CD58: variants seen among roughly 807,000 people sequenced by gnomAD.
CD58 encodes lymphocyte function-associated antigen 3.
A neutral mutation model predicts 27.6 loss-of-function variants in CD58; 14 were observed. The observed-to-expected ratio is 0.51, with a 90% CI of 0.34 to 0.79. CD58 has a LOEUF of 0.79. Among genes scored for constraint, CD58 ranks in the 30% least tolerant of loss-of-function variants. The pLI, the probability that CD58 is intolerant of heterozygous loss-of-function variation, is 0.02. For synonymous variants in CD58, 117 were observed against 103.8 expected (o/e 1.13, Z -0.77); for missense variants, 268 against 301.7 (o/e 0.89, Z 0.83).
In CD58 at chr1:116,538,875, G is replaced by C. The variant is rs1657901232; in HGVS notation, c.365-2647C>G. On this transcript the variant is annotated intron_variant, in intron 2 of 5. Transcript: ENST00000369489. The surrounding 1 kb of genome is among the most constrained non-coding windows in gnomAD (Gnocchi z 4.7). ...ATAGAAGGATAGATTCAGAGAGACAGTCTTCAAATAAAATGTAAATTCTTC... is the reference window on the plus strand; with the variant it reads ...ATAGAAGGATAGATTCAGAGAGACACTCTTCAAATAAAATGTAAATTCTTC... Among the ~76,000 whole-genome samples, 1 of 152,218 alleles carries C rather than the reference G, an allele frequency of 6.6e-6. No homozygotes were observed. The highest frequency in any genetic ancestry group is 2.1e-4 in the South Asian group (1 of 4,832).
In CD58 at chr1:116,517,581, C is replaced by T. The variant is rs1415307905; in HGVS notation, c.743+1650G>A. Reference sequence around the variant, plus strand: ...AAAGGTCTTAACCCCTCGCCTACCTCCTTGTCTCTGCAGCTTTAACATGTA... The same window carrying T: ...AAAGGTCTTAACCCCTCGCCTACCTTCTTGTCTCTGCAGCTTTAACATGTA... On this transcript the variant is annotated intron_variant, in intron 5 of 5. Transcript: ENST00000369489. The surrounding 1 kb of genome is among the most constrained non-coding windows in gnomAD (Gnocchi z 6.5). 6.6e-6 allele frequency among the ~76,000 whole-genome samples: 1 copy of T among 152,212 alleles called. No homozygotes were observed. The highest frequency in any genetic ancestry group is 1.5e-5 in the Non-Finnish European group (1 of 68,028).
At chr1:116,556,796 T>C (rs374499776) in intron 1 of CD58, among the ~76,000 whole-genome samples, 71 of 152,084 alleles carry the variant, frequency 4.7e-4, no homozygotes, top group Admixed American at 1.6e-3. Context: ...GCGGGCCAAG[T>C]GTGAGTCAGA....
chr1:116,525,617 T>C (rs1657404093), intron 3 of CD58, among the ~76,000 whole-genome samples: 11 of 152,214 alleles, frequency 7.2e-5, no homozygotes, highest in Admixed American at 7.2e-4. Context: ...CCAAACTGTC[T>C]TCCAAAGTGG....
intron 1 of CD58, among the ~76,000 whole-genome samples, chr1:116,549,640 T>C (rs1307017478): frequency 6.6e-6 from 1 of 152,208 alleles, no homozygotes; most frequent in Non-Finnish European, 1.5e-5. Context: ...AACTTTACAC[T>C]AATGAAAAAC....
chr1:116,530,489 G>A (rs1319946854), intron 3 of CD58, among the ~76,000 whole-genome samples: 1 of 152,070 alleles, frequency 6.6e-6, no homozygotes, highest in African/African-American at 2.4e-5. Flanking sequence ...ACAGGTGTGA[G>A]CCACCGCACC....
intron 3 of CD58, 59 bp downstream of exon 3, chr1:116,535,906 T>TGTTA: frequency 1.6e-6 from 2 of 1,236,266 alleles, no homozygotes; most frequent in Non-Finnish European, 2.3e-6. Context: ...GTGAACCTTG[T>TGTTA]GTTAGTCACC....
At position 116,517,701 on chromosome 1, in the gene CD58, C is replaced by T. The variant is rs1182929615; in HGVS notation, c.743+1530G>A. Reference sequence around the variant, plus strand: ...GCCTCCTCTGCCTCTTCCCATCACCCTAGGGCATCTAGCTTTTCTTTCTTA... The same window carrying T: ...GCCTCCTCTGCCTCTTCCCATCACCTTAGGGCATCTAGCTTTTCTTTCTTA... On this transcript the variant is annotated intron_variant, in intron 5 of 5. Coordinates refer to ENST00000369489, the MANE Select transcript of CD58 (RefSeq NM_001779.3). This position sits in a 1 kb window ranked among gnomAD's most constrained non-coding sequence, Gnocchi z 6.5. 2.0e-5 allele frequency among the ~76,000 whole-genome samples: 3 copies of T among 152,150 alleles called. No individual in the cohort carries two copies. Among genetic ancestry groups the T allele is most frequent in the Non-Finnish European group, 4.4e-5 (3 of 68,014 alleles).
At chr1:116,533,142 T>C (rs1657672083) in intron 3 of CD58, 1 of 754,562 alleles carries the variant, frequency 1.3e-6, no homozygotes, top group African/African-American at 1.7e-5. Context: ...AATTTCAAAA[T>C]CAGAGGCTAA....
At chr1:116,526,269 A>T (rs1007580488) in intron 3 of CD58, among the ~76,000 whole-genome samples, 5 of 152,176 alleles carry the variant, frequency 3.3e-5, no homozygotes, top group Non-Finnish European at 5.9e-5. Context: ...AAGTCATCAT[A>T]TCCAAAGTTA....
At chr1:116,520,364 C>T (rs1397953566) in intron 4 of CD58, among the ~76,000 whole-genome samples, 4 of 151,896 alleles carry the variant, frequency 2.6e-5, no homozygotes, top group Non-Finnish European at 5.9e-5. Context: ...GCACACAACT[C>T]GACCTCTCAA....
In CD58 at chr1:116,550,626, C is replaced by T. The variant is rs1658359776; in HGVS notation, c.71-6022G>A. 6.6e-6 allele frequency among the ~76,000 whole-genome samples: 1 copy of T among 152,134 alleles called. No homozygotes were observed. Among genetic ancestry groups the T allele is most frequent in the African/African-American group, 2.4e-5 (1 of 41,422 alleles). On this transcript the variant is annotated intron_variant, in intron 1 of 5. Transcript: ENST00000369489. The surrounding 1 kb of genome is among the most constrained non-coding windows in gnomAD (Gnocchi z 4.2). ...TTGACCTGACGATTGGAATCAAATT[C>T]TTCCAAACTCCTGTTAATGTTGATA...
intron 3 of CD58, among the ~76,000 whole-genome samples, chr1:116,525,941 G>A (rs1044495469): frequency 7.2e-5 from 11 of 152,248 alleles, no homozygotes; most frequent in East Asian, 5.8e-4. Context: ...GTGAGCCACC[G>A]CACCCGGCCC....
chr1:116,560,922 G>C (rs1658730389), intron 1 of CD58, among the ~76,000 whole-genome samples: 1 of 152,186 alleles, frequency 6.6e-6, no homozygotes, highest in South Asian at 2.1e-4. Flanking sequence ...TGGAAGTTGA[G>C]ATTTGTCATT....
Position 116,522,506 on chromosome 1 carries a change from T to C in CD58, c.629-523A>G, listed in dbSNP as rs556162339. 2.6e-5 allele frequency among the ~76,000 whole-genome samples: 4 copies of C among 152,308 alleles called. No individual in the cohort carries two copies. The highest frequency in any genetic ancestry group is 9.6e-5 in the African/African-American group (4 of 41,564). ...AGGTTTATTTAAACAGAGACACACA[T>C]AAAACAAGGTTATAAACAGATCATT... On this transcript the variant is annotated intron_variant, in intron 3 of 5. Coordinates refer to ENST00000369489, the MANE Select transcript of CD58 (RefSeq NM_001779.3). The surrounding 1 kb of genome is among the most constrained non-coding windows in gnomAD (Gnocchi z 4.6).
At chr1:116,558,428 C>T (rs1047904312) in intron 1 of CD58, among the ~76,000 whole-genome samples, 1 of 152,148 alleles carries the variant, frequency 6.6e-6, no homozygotes, top group Non-Finnish European at 1.5e-5. Flanking sequence ...TCAGTTGATG[C>T]CTACTTGCAG....
chr1:116,544,259 T>TA (rs1385274194), intron 2 of CD58, 52 bp downstream of exon 2: 4 of 1,312,488 alleles, frequency 3.0e-6, no homozygotes, highest in Admixed American at 4.3e-5. Context: ...GAAAACAGAC[T>TA]AAAAAAATGG....
chr1:116,564,303 G>A (rs1396429292), intron 1 of CD58, among the ~76,000 whole-genome samples: 1 of 149,060 alleles, frequency 6.7e-6, no homozygotes, highest in African/African-American at 2.4e-5. Flanking sequence ...CAAGTCTCTA[G>A]GAAGTTCCAA....
At chr1:116,558,245 A>C (rs1428063776) in intron 1 of CD58, among the ~76,000 whole-genome samples, 2 of 152,182 alleles carry the variant, frequency 1.3e-5, no homozygotes, top group African/African-American at 4.8e-5. Context: ...TCTGAATATA[A>C]GACATCATAA....
chr1:116,529,741 G>A (rs1413550321), intron 3 of CD58, among the ~76,000 whole-genome samples: 1 of 152,152 alleles, frequency 6.6e-6, no homozygotes, highest in East Asian at 1.9e-4. Flanking sequence ...GTAAGTATTA[G>A]TTCATTCCCC....
Sources: allele counts gnomAD v4.1 joint callset (sites outside exome capture counted in the v4.1 genomes callset), GRCh38; gene constraint gnomAD v4.1.1; non-coding constraint Gnocchi (gnomAD v3.1); transcripts MANE v1.5; gene names NCBI Gene and HGNC (gene_info 2026-07-23, HGNC 2026-07-21).